DYM: variants seen among roughly 807,000 people sequenced by gnomAD.
DYM encodes dyggve-Melchior-Clausen syndrome protein.
In DYM, 78 loss-of-function variants were observed where a neutral mutation model predicts 93.1. That is an observed-to-expected ratio of 0.84 (90% CI 0.70 to 1.01). The LOEUF is 1.01. DYM is among the 50% of genes least tolerant of loss of function. The pLI is 0.00. For synonymous variants in DYM, 321 were observed against 319.7 expected (o/e 1.00, Z -0.04); for missense variants, 789 against 845.0 (o/e 0.93, Z 0.82).
chr18:49,168,020 AT>A (rs1349015828), intron 14 of DYM, among the ~76,000 whole-genome samples: 2 of 152,226 alleles, frequency 1.3e-5, no homozygotes, highest in African/African-American at 2.4e-5. Context: ...GAGTAAAAAA[AT>A]AAGCAGGAAT....
chr18:49,380,103 T>C (rs1280227651), intron 3 of DYM, among the ~76,000 whole-genome samples: 1 of 152,082 alleles, frequency 6.6e-6, no homozygotes, highest in Non-Finnish European at 1.5e-5. Flanking sequence ...ACTCAAAAAT[T>C]GATTATCTAT....
intron 14 of DYM, among the ~76,000 whole-genome samples, chr18:49,165,640 A>G (rs1358955507): frequency 6.6e-6 from 1 of 152,202 alleles, no homozygotes; most frequent in African/African-American, 2.4e-5. Context: ...GTACAAAACA[A>G]ACATAACAGA....
At chr18:49,379,982 C>T (rs913089407) in intron 3 of DYM, among the ~76,000 whole-genome samples, 1 of 152,024 alleles carries the variant, frequency 6.6e-6, no homozygotes, top group Admixed American at 6.6e-5. Context: ...ATGATAGAAA[C>T]AGTACAAGTA....
At chr18:49,363,073 C>T in intron 6 of DYM, 88 bp downstream of exon 6, 1 of 1,041,712 alleles carries the variant, frequency 9.6e-7, no homozygotes, top group South Asian at 1.3e-5. Flanking sequence ...AAGTTCTATA[C>T]AAGGACCCAC....
chr18:49,376,674 T>C (rs1175415223), intron 5 of DYM, among the ~76,000 whole-genome samples: 1 of 152,238 alleles, frequency 6.6e-6, no homozygotes, highest in Non-Finnish European at 1.5e-5. Context: ...CTTAGTGAGA[T>C]TCGGACCTTA....
chr18:49,294,814 C>A (rs2060418886), intron 8 of DYM, among the ~76,000 whole-genome samples: 1 of 152,088 alleles, frequency 6.6e-6, no homozygotes, highest in Admixed American at 6.6e-5. Context: ...TATGCACTGT[C>A]AGCCACAGTT....
At chr18:49,342,071 G>A (rs1004844629) in intron 6 of DYM, among the ~76,000 whole-genome samples, 1 of 152,180 alleles carries the variant, frequency 6.6e-6, no homozygotes, top group Non-Finnish European at 1.5e-5. Flanking sequence ...ATTCCATTCT[G>A]GAGGCTCTAA....
At chr18:49,281,271 T>G (rs1188155792) in intron 10 of DYM, among the ~76,000 whole-genome samples, 1 of 152,204 alleles carries the variant, frequency 6.6e-6, no homozygotes, top group Non-Finnish European at 1.5e-5. Context: ...TCACACCAGT[T>G]AGAGTGGTGA....
chr18:49,158,395 A>C (rs1568514907), intron 15 of DYM, among the ~76,000 whole-genome samples: 1 of 152,246 alleles, frequency 6.6e-6, no homozygotes, highest in Non-Finnish European at 1.5e-5. Flanking sequence ...CATCACTAGA[A>C]TAAATGCATG....
intron 17 of DYM, among the ~76,000 whole-genome samples, chr18:49,079,372 T>G (rs1362369220): frequency 6.6e-6 from 1 of 152,150 alleles, no homozygotes; most frequent in Non-Finnish European, 1.5e-5. Context: ...TGAATAATAT[T>G]AATGTTACAT....
At chr18:49,327,412 G>C (rs567800604) in intron 8 of DYM, among the ~76,000 whole-genome samples, 2 of 151,780 alleles carry the variant, frequency 1.3e-5, no homozygotes, top group African/African-American at 2.4e-5. Context: ...GCTGGAGTGC[G>C]GTGGCGTGAT....
chr18:49,353,422 T>C (rs1038562809), intron 6 of DYM, among the ~76,000 whole-genome samples: 9 of 151,974 alleles, frequency 5.9e-5, no homozygotes, highest in Admixed American at 6.6e-5. Flanking sequence ...AAAGTACAGA[T>C]AATACAAGTA....
Position 49,289,777 on chromosome 18 carries a change from A to G in DYM, c.764-3161T>C, listed in dbSNP as rs1161439557. 1.5e-3 allele frequency among the ~76,000 whole-genome samples: 32 copies of G among 21,580 alleles called. 1 individual carries two copies. In the South Asian group the frequency reaches 0.021, roughly 14 times the overall value. 14.2% of individuals were successfully genotyped at this position (21,580 alleles called of 152,430 possible). Reference sequence around the variant, plus strand: ...TATATATATATATATATATATACACATATATATATATACACACATATATAT... The same window carrying G: ...TATATATATATATATATATATACACGTATATATATATACACACATATATAT... On this transcript the variant is annotated intron_variant, in intron 8 of 17. Transcript: ENST00000675505.
intron 14 of DYM, among the ~76,000 whole-genome samples, chr18:49,181,779 T>A (rs1027716434): frequency 6.6e-6 from 1 of 152,204 alleles, no homozygotes; most frequent in Non-Finnish European, 1.5e-5. Context: ...CTTTTGGTTT[T>A]AATTTTATCT....
At position 49,038,964 on chromosome 18, in the gene DYM, T is replaced by C. The variant is rs2070805054; in HGVS notation, c.*5091A>G. Among the ~76,000 whole-genome samples the C allele has an allele frequency of 6.6e-6, 1 of 152,242 alleles. No individual in the cohort carries two copies. The highest frequency in any genetic ancestry group is 2.4e-5 in the African/African-American group (1 of 41,470). On this transcript the variant is annotated 3_prime_UTR_variant, in exon 18 of 18. Transcript: ENST00000675505. ...TATATATTTAAAACTCCATAAGACA[T>C]AATTATTGTTTTATGTAGTCAATAT...
chr18:49,265,871 G>C (rs1671325822), intron 11 of DYM, among the ~76,000 whole-genome samples: 1 of 151,746 alleles, frequency 6.6e-6, no homozygotes, highest in South Asian at 2.1e-4. Context: ...AACAAACTCA[G>C]GGATACAGAA....
Position 49,118,774 on chromosome 18 carries a change from T to C in DYM, c.1881A>G (p.Ser627=), listed in dbSNP as rs758007925. 1.9e-6 allele frequency: 3 copies of C among 1,614,032 alleles called. No homozygotes were observed. Among genetic ancestry groups the C allele is most frequent in the East Asian group, 2.2e-5 (1 of 44,874 alleles). The change falls in exon 16 of 18, where the codon TCA becomes TCG. Residue 627 remains serine, a synonymous_variant. Coordinates refer to ENST00000675505, the MANE Select transcript of DYM (RefSeq NM_001353214.3). ...DLFEQFRTHP[S]FQDIMQNIDL... is the part of the protein sequence containing the mutation. The stretch of plus-strand genomic sequence containing the variant: ...CAATATTTTGCATTATATCCTGAAA[T>C]GAAGGATGAGTTCGAAATTGTTCAA...
intron 17 of DYM, among the ~76,000 whole-genome samples, chr18:49,047,006 T>A (rs1470641056): frequency 2.6e-5 from 4 of 152,070 alleles, no homozygotes; most frequent in Non-Finnish European, 5.9e-5. Context: ...AGGAGCAGAG[T>A]GAAGCAGCAA....
chr18:49,230,542 CTGAAA>C lies in DYM; in HGVS notation c.1461-20832_1461-20828del, dbSNP rs367898589. Among the ~76,000 whole-genome samples the C allele has an allele frequency of 2.0e-4, 30 of 152,262 alleles. No individual in the cohort carries two copies. In the East Asian group the frequency reaches 5.8e-3, roughly 29 times the overall value. ...AATATCCTACCAAAAATGAGCTATACTGAAATGAGATAAGTTCCTGAGAAAAGCTT... is the reference window on the plus strand; with the variant it reads ...AATATCCTACCAAAAATGAGCTATACTGAGATAAGTTCCTGAGAAAAGCTT... On this transcript the variant is annotated intron_variant, in intron 13 of 17. Transcript: ENST00000675505.
Sources: allele counts gnomAD v4.1 joint callset (sites outside exome capture counted in the v4.1 genomes callset), GRCh38; gene constraint gnomAD v4.1.1; transcripts MANE v1.5; gene names NCBI Gene and HGNC (gene_info 2026-07-23, HGNC 2026-07-21).